Variants in ZCWPW2 observed in about 807,000 individuals in gnomAD.
The protein encoded by ZCWPW2 is zinc finger CW-type PWWP domain protein 2.
In ZCWPW2, 45 loss-of-function variants were observed where a neutral mutation model predicts 46.6. That is an observed-to-expected ratio of 0.96 (90% CI 0.76 to 1.24). ZCWPW2 has a LOEUF of 1.24. ZCWPW2 is among the 50% of genes most tolerant of loss of function. ZCWPW2 has a pLI of 0.00. For missense variants in ZCWPW2, 429 were observed against 403.9 expected (o/e 1.06, Z -0.53); for synonymous variants, 152 against 137.1 (o/e 1.11, Z -0.76).
intron 3 of ZCWPW2, among the ~76,000 whole-genome samples, chr3:28,422,735 G>C (rs573659323): frequency 6.6e-6 from 1 of 152,130 alleles, no homozygotes; most frequent in East Asian, 1.9e-4. Context: ...TAAATACCAA[G>C]GACTGCAATT....
At chr3:28,479,135 C>T (rs1699338886) in intron 5 of ZCWPW2, among the ~76,000 whole-genome samples, 1 of 152,088 alleles carries the variant, frequency 6.6e-6, no homozygotes, top group South Asian at 2.1e-4. Flanking sequence ...ACTAAACATA[C>T]ACTCTTTTTA....
intron 4 of ZCWPW2, among the ~76,000 whole-genome samples, chr3:28,451,203 G>C (rs891327626): frequency 3.9e-5 from 6 of 152,132 alleles, no homozygotes; most frequent in African/African-American, 1.4e-4. Context: ...CATATATTGA[G>C]TCTATATATG....
chr3:28,441,791 G>A (rs1444564092), intron 4 of ZCWPW2, among the ~76,000 whole-genome samples: 1 of 152,156 alleles, frequency 6.6e-6, no homozygotes, highest in African/African-American at 2.4e-5. Context: ...CCCAGTTCAT[G>A]ATAGGCAGTT....
intron 3 of ZCWPW2, 40 bp downstream of exon 3, chr3:28,413,440 T>C (rs576171036): frequency 1.4e-4 from 212 of 1,497,828 alleles, no homozygotes; most frequent in Non-Finnish European, 1.8e-4. Context: ...AAATGTAGTC[T>C]TGCTAGGTTT....
intron 4 of ZCWPW2, among the ~76,000 whole-genome samples, chr3:28,442,922 G>A (rs1697826778): frequency 1.3e-5 from 2 of 152,142 alleles, no homozygotes; most frequent in African/African-American, 2.4e-5. Flanking sequence ...TATTTCTCTA[G>A]GTAGAGGCAG....
At chr3:28,474,538 T>C (rs1699154720) in intron 4 of ZCWPW2, among the ~76,000 whole-genome samples, 1 of 151,892 alleles carries the variant, frequency 6.6e-6, no homozygotes, top group African/African-American at 2.4e-5. Flanking sequence ...ACATCTGTTT[T>C]CTCATTCTTT....
chr3:28,469,348 G>A (rs78399449), intron 4 of ZCWPW2, among the ~76,000 whole-genome samples: 3,991 of 152,072 alleles, frequency 0.026, 152 homozygotes, highest in African/African-American at 0.085. Flanking sequence ...TAACAAAATG[G>A]CAGGAGTAAG....
chr3:28,403,683 G>T lies in ZCWPW2; in HGVS notation c.-13-9373G>T, dbSNP rs889537970. On this transcript the variant is annotated intron_variant, in intron 2 of 9. Coordinates refer to ENST00000383768, the MANE Select transcript of ZCWPW2 (RefSeq NM_001040432.4). ...TAGTCACCAAAACAGCATGGTACTG[G>T]TATAAAAATAGCCACACAGACCAAT... 2.6e-5 allele frequency among the ~76,000 whole-genome samples: 4 copies of T among 152,096 alleles called. No homozygotes were observed. In the South Asian group the frequency reaches 8.3e-4, roughly 31 times the overall value.
chr3:28,515,718 TG>T, intron 8 of ZCWPW2, 97 bp downstream of exon 8: 4 of 319,788 alleles, frequency 1.3e-5, no homozygotes, highest in Middle Eastern at 7.5e-4. Context: ...AGATTTCCTG[TG>T]TGTGTGTGTG....
chr3:28,380,200 G>A (rs1179086507), intron 1 of ZCWPW2, among the ~76,000 whole-genome samples: 1 of 152,016 alleles, frequency 6.6e-6, no homozygotes, highest in African/African-American at 2.4e-5. Flanking sequence ...TAGCCAGGAT[G>A]GTCTCGATCT....
At chr3:28,360,117 A>G (rs751715493) in intron 1 of ZCWPW2, among the ~76,000 whole-genome samples, 2 of 151,838 alleles carry the variant, frequency 1.3e-5, no homozygotes, top group Non-Finnish European at 2.9e-5. Context: ...AACAGAAAAT[A>G]TTAATAATGT....
intron 5 of ZCWPW2, among the ~76,000 whole-genome samples, chr3:28,483,131 C>T (rs192459658): frequency 1.2e-3 from 183 of 152,172 alleles, no homozygotes; most frequent in African/African-American, 3.3e-3. Context: ...TTTTGCATTT[C>T]GCCCTATGAT....
At chr3:28,480,790 C>T (rs1186036173) in intron 5 of ZCWPW2, among the ~76,000 whole-genome samples, 3 of 151,268 alleles carry the variant, frequency 2.0e-5, no homozygotes, top group South Asian at 2.1e-4. Flanking sequence ...GGTCCAGTTT[C>T]AATTTTCTGC....
intron 1 of ZCWPW2, among the ~76,000 whole-genome samples, chr3:28,371,371 G>A (rs1705328913): frequency 6.6e-6 from 1 of 152,178 alleles, no homozygotes; most frequent in South Asian, 2.1e-4. Context: ...CAAGGAGCAT[G>A]GTAAAGGGGT....
intron 9 of ZCWPW2, among the ~76,000 whole-genome samples, chr3:28,524,047 C>T (rs1389959193): frequency 6.6e-6 from 1 of 151,928 alleles, no homozygotes; most frequent in African/African-American, 2.4e-5. Context: ...CTTTAATAAA[C>T]TCTGAAGTTA....
chr3:28,491,723 A>C (rs1400213535), intron 5 of ZCWPW2, among the ~76,000 whole-genome samples: 4 of 152,098 alleles, frequency 2.6e-5, no homozygotes, highest in Admixed American at 2.6e-4. Context: ...TAAGATATCT[A>C]TATAAAGTCC....
Position 28,518,402 on chromosome 3 carries a change from T to C in ZCWPW2, c.785-2590T>C, listed in dbSNP as rs139987427. The stretch of plus-strand genomic sequence containing the variant: ...ATATCACTGACCAATTTTGATAACA[T>C]AGTTTGTAGATTAAGGTAACTGCTA... On this transcript the variant is annotated intron_variant, in intron 8 of 9. Coordinates refer to ENST00000383768, the MANE Select transcript of ZCWPW2 (RefSeq NM_001040432.4). Among the ~76,000 whole-genome samples, 1,236 of 152,222 alleles carry C rather than the reference T, an allele frequency of 8.1e-3. 20 individuals are homozygous for C. Among genetic ancestry groups the C allele is most frequent in the African/African-American group, 0.028 (1,168 of 41,546 alleles).
chr3:28,382,423 C>G lies in ZCWPW2; in HGVS notation c.-133-8075C>G, dbSNP rs974871586. On this transcript the variant is annotated intron_variant, in intron 1 of 9. Coordinates refer to ENST00000383768, the MANE Select transcript of ZCWPW2 (RefSeq NM_001040432.4). ...TAGACATATTGGATTAAGGCTCACC[C>G]TAATTACCTCATTAAATTTAATTAC... Among the ~76,000 whole-genome samples the G allele has an allele frequency of 2.0e-5, 3 of 152,080 alleles. No individual in the cohort carries two copies. The East Asian group carries it at 5.8e-4, about 29-fold the overall frequency.
intron 4 of ZCWPW2, among the ~76,000 whole-genome samples, chr3:28,451,704 C>A (rs1240390311): frequency 6.6e-6 from 1 of 152,088 alleles, no homozygotes; most frequent in Non-Finnish European, 1.5e-5. Flanking sequence ...ATTAGGATCC[C>A]AATTCTAAGA....
Sources: gnomAD v4.1 joint callset for allele counts (sites outside exome capture counted in the v4.1 genomes callset) on GRCh38, gnomAD v4.1.1 for gene constraint, MANE v1.5 for transcripts, NCBI Gene and HGNC (gene_info 2026-07-23, HGNC 2026-07-21) for gene names.